Variants in SYNE1 observed in about 807,000 individuals in gnomAD.
SYNE1 encodes nesprin-1.
In SYNE1, 616 loss-of-function variants were observed where a neutral mutation model predicts 1,111.0. The ratio of observed to expected loss-of-function variants is 0.55; its 90% CI spans 0.52 to 0.59. The LOEUF (loss-of-function observed/expected upper bound fraction) is 0.59. Ranked by LOEUF, SYNE1 falls within the 20% of genes least tolerant of loss-of-function variation. The probability of loss-of-function intolerance (pLI) is 0.00; values close to 1 mark genes in which losing one functional copy is unlikely to be tolerated. For synonymous variants in SYNE1, 3,855 were observed against 3,825.8 expected (o/e 1.01, Z -0.28); for missense variants, 10,006 against 10,417.0 (o/e 0.96, Z 1.72).
chr6:152,382,400 G>A (rs2097435275), intron 55 of SYNE1, among the ~76,000 whole-genome samples: 1 of 152,078 alleles, frequency 6.6e-6, no homozygotes, highest in South Asian at 2.1e-4. Context: ...CATAAAGTAT[G>A]TCTTAACTAG....
At chr6:152,332,198 T>C (rs550832099) in intron 77 of SYNE1, among the ~76,000 whole-genome samples, 1 of 152,292 alleles carries the variant, frequency 6.6e-6, no homozygotes, top group East Asian at 1.9e-4. Flanking sequence ...GGTCTCTAAC[T>C]CCTGACCTCA....
chr6:152,508,178 A>G (rs1378968972), intron 8 of SYNE1, among the ~76,000 whole-genome samples: 2 of 152,242 alleles, frequency 1.3e-5, no homozygotes, highest in Non-Finnish European at 2.9e-5. Context: ...TTTAGAAAAA[A>G]TTATCAACAG....
intron 117 of SYNE1, among the ~76,000 whole-genome samples, chr6:152,223,907 C>T (rs775925685): frequency 2.6e-5 from 4 of 152,124 alleles, no homozygotes; most frequent in East Asian, 1.9e-4. Context: ...AATTTGAGGG[C>T]GGTGACCTGA....
At position 152,510,202 on chromosome 6, in the gene SYNE1, G is replaced by GT. The variant is rs775459126; in HGVS notation, c.571dup (p.Thr191AsnfsTer69). On this transcript the variant is annotated frameshift_variant, in exon 8 of 146. Coordinates refer to ENST00000367255, the MANE Select transcript of SYNE1 (RefSeq NM_182961.4). LOFTEE classifies it high-confidence loss of function. ...AACTCTTGATACTTACTTGCCAGCT[G>GT]TGTACTGAACCCACTTTAATAAAGC... 6.2e-7 allele frequency: 1 copy of GT among 1,613,892 alleles called. No individual in the cohort carries two copies.
intron 124 of SYNE1, among the ~76,000 whole-genome samples, chr6:152,209,251 T>C (rs2077082991): frequency 6.6e-6 from 1 of 152,214 alleles, no homozygotes; most frequent in Non-Finnish European, 1.5e-5. Context: ...ACTTGTATCT[T>C]CTTGAAACTT....
chr6:152,613,371 C>T (rs2099637400), intron 3 of SYNE1, among the ~76,000 whole-genome samples: 1 of 152,046 alleles, frequency 6.6e-6, no homozygotes, highest in African/African-American at 2.4e-5. Context: ...AAACAGAGAG[C>T]CAAATCATAA....
intron 135 of SYNE1, 23 bp from the exon 136 acceptor site, chr6:152,149,691 G>T: frequency 6.2e-7 from 1 of 1,603,808 alleles, no homozygotes; most frequent in Non-Finnish European, 8.5e-7. Flanking sequence ...AATCTCATGT[G>T]ATTTTGCTAT....
intron 33 of SYNE1, chr6:152,434,179 C>T (rs1016885310): frequency 6.2e-5 from 33 of 531,614 alleles, no homozygotes; most frequent in Non-Finnish European, 1.0e-4. Flanking sequence ...TTGAGTGAAA[C>T]TGCACTTTGA....
At position 152,233,882 on chromosome 6, in the gene SYNE1, T is replaced by G. The variant is rs773799875; in HGVS notation, c.20611A>C (p.Lys6871Gln). 2 of 1,614,188 alleles carry G rather than the reference T, an allele frequency of 1.2e-6. No homozygotes were observed. The highest frequency in any genetic ancestry group is 4.5e-5 in the East Asian group (2 of 44,880). The change falls in exon 112 of 146, where the codon AAG (lysine) becomes CAG (glutamine). Residue 6871 changes from lysine (K) to glutamine (Q), a missense_variant. Around this residue, in one of 7 missense-constraint regions of SYNE1, gnomAD observed 2,182 missense variants for 2,287.8 expected, o/e 0.95. Transcript: ENST00000367255. ...GAGCGCAGCGTGGCTGTGTCCACCT[T>G]TTTTAGTCGAAGGAGCTGATTTCCA... ...STGNQLLRLK[K>Q]VDTATLRSEL...
At chr6:152,464,236 T>C (rs1177586394) in intron 18 of SYNE1, among the ~76,000 whole-genome samples, 1 of 152,166 alleles carries the variant, frequency 6.6e-6, no homozygotes, top group South Asian at 2.1e-4. Context: ...AGCGTATGTG[T>C]GCACACGCAC....
intron 51 of SYNE1, 32 bp from the exon 52 acceptor site, chr6:152,391,600 A>AAG (rs768118124): frequency 6.5e-7 from 1 of 1,544,196 alleles, no homozygotes. Flanking sequence ...AAAAAGAAAA[A>AAG]AAATTAATTC....
chr6:152,353,261 AC>A lies in SYNE1; in HGVS notation c.11253+1del. On this transcript the variant is annotated splice_donor_variant, in intron 69 of 145. Coordinates refer to ENST00000367255, the MANE Select transcript of SYNE1 (RefSeq NM_182961.4). LOFTEE classifies it high-confidence loss of function. ...ATACAAATCTGAAGTATGCGTGCCT[AC>A]CTCCAACGTCTTCAATTTCTTCCCC... The A allele has an allele frequency of 6.2e-7, 1 of 1,614,072 alleles. No homozygotes were observed. Among genetic ancestry groups the A allele is most frequent in the Non-Finnish European group, 8.5e-7 (1 of 1,180,004 alleles).
chr6:152,371,426 C>T (rs971675462), intron 59 of SYNE1, among the ~76,000 whole-genome samples: 1 of 151,502 alleles, frequency 6.6e-6, no homozygotes, highest in African/African-American at 2.4e-5. Flanking sequence ...CCTCCCCAGC[C>T]CTGCAGAATT....
intron 61 of SYNE1, 103 bp downstream of exon 61, chr6:152,368,869 C>G: frequency 6.7e-7 from 1 of 1,482,076 alleles, no homozygotes; most frequent in Non-Finnish European, 9.4e-7. Context: ...GAGACCCACA[C>G]TGTGGGCGGG....
chr6:152,379,364 A>G (rs932403420), intron 56 of SYNE1, among the ~76,000 whole-genome samples: 4 of 152,096 alleles, frequency 2.6e-5, no homozygotes, highest in African/African-American at 4.8e-5. Flanking sequence ...CATAGTAAAT[A>G]GAATTATTTT....
intron 3 of SYNE1, among the ~76,000 whole-genome samples, chr6:152,617,755 C>T (rs112436444): frequency 0.022 from 3,303 of 152,166 alleles, 32 homozygotes; most frequent in Admixed American, 0.026. Flanking sequence ...AGAGTACAAA[C>T]GAGGAATCCT....
chr6:152,615,785 T>C (rs2099644290), intron 3 of SYNE1, among the ~76,000 whole-genome samples: 1 of 152,184 alleles, frequency 6.6e-6, no homozygotes, highest in Non-Finnish European at 1.5e-5. Context: ...TGACTCTTAC[T>C]CAAGAGTTTG....
intron 3 of SYNE1, among the ~76,000 whole-genome samples, chr6:152,599,228 C>T (rs989611855): frequency 6.6e-6 from 1 of 152,188 alleles, no homozygotes; most frequent in African/African-American, 2.4e-5. Context: ...CTAATAATGA[C>T]TACACAAGCC....
In SYNE1 at chr6:152,369,204, T is replaced by C. The variant is rs2154085044; in HGVS notation, c.9652-77A>G. The C allele has an allele frequency of 9.5e-6, 15 of 1,576,162 alleles. No homozygotes were observed. The South Asian group carries it at 1.0e-4, about 11-fold the overall frequency. Reference sequence around the variant, plus strand: ...GGACGAAGCTTTGGCCCAGAGAACATGGAAATCAACACTGGCAGGCAGTCC... The same window carrying C: ...GGACGAAGCTTTGGCCCAGAGAACACGGAAATCAACACTGGCAGGCAGTCC... On this transcript the variant is annotated intron_variant, in intron 60 of 145. Coordinates refer to ENST00000367255, the MANE Select transcript of SYNE1 (RefSeq NM_182961.4).
Sources: allele counts gnomAD v4.1 joint callset (sites outside exome capture counted in the v4.1 genomes callset), GRCh38; gene constraint gnomAD v4.1.1; regional missense constraint gnomAD v4.1.1; transcripts MANE v1.5; gene names NCBI Gene and HGNC (gene_info 2026-07-23, HGNC 2026-07-21).